Variants in TEK observed in about 807,000 individuals in gnomAD.
TEK encodes TEK receptor tyrosine kinase.
Under a neutral mutation model 131.8 loss-of-function variants are expected in TEK, and 43 were observed. The ratio of observed to expected loss-of-function variants is 0.33; its 90% CI spans 0.26 to 0.42. TEK has a LOEUF of 0.42. Among genes scored for constraint, TEK ranks in the 10% least tolerant of loss-of-function variants. TEK has a pLI of 1.00. For missense variants in TEK, 1,162 were observed against 1,384.4 expected, an observed-to-expected ratio of 0.84 and a Z score of 2.55; for synonymous variants, 580 against 491.6, an observed-to-expected ratio of 1.18 and a Z score of -2.38.
chr9:27,205,595 C>T (rs548235595), intron 14 of TEK, among the ~76,000 whole-genome samples: 1 of 152,162 alleles, frequency 6.6e-6, no homozygotes, highest in South Asian at 2.1e-4. Flanking sequence ...TACCCTCAGT[C>T]TGAAGTCAGA....
intron 1 of TEK, among the ~76,000 whole-genome samples, chr9:27,138,813 G>A (rs1822604595): frequency 6.6e-6 from 1 of 152,146 alleles, no homozygotes; most frequent in Admixed American, 6.5e-5. Context: ...CAGGAATTGA[G>A]TATGTGTGAA....
chr9:27,185,596 A>T lies in TEK; in HGVS notation c.1294A>T (p.Met432Leu), dbSNP rs75365911. 75 of 1,613,592 alleles carry T rather than the reference A, an allele frequency of 4.6e-5. No homozygotes were observed. In the Middle Eastern group the frequency reaches 5.0e-4, roughly 11 times the overall value. The change falls in exon 9 of 23, where the codon ATG becomes TTG. Residue 432 changes from methionine (M) to leucine (L), a missense_variant. This residue lies in a region of TEK where 436 missense variants were observed against 539.1 expected (regional missense o/e 0.81). Coordinates refer to ENST00000380036, the MANE Select transcript of TEK (RefSeq NM_000459.5). ...CTGCAGTGTGAACACAGTGGCTGGG[A>T]TGGTGGAAAAGCCCTTCAACATTTC... ...WVCSVNTVAG[M>L]VEKPFNISVK...
At chr9:27,161,994 T>C (rs1048304295) in intron 2 of TEK, among the ~76,000 whole-genome samples, 1 of 152,222 alleles carries the variant, frequency 6.6e-6, no homozygotes, top group Non-Finnish European at 1.5e-5. Context: ...ATTCACATAT[T>C]ATGGAGTTTT....
At chr9:27,110,872 C>A (rs1413893566) in intron 1 of TEK, among the ~76,000 whole-genome samples, 1 of 151,850 alleles carries the variant, frequency 6.6e-6, no homozygotes, top group Non-Finnish European at 1.5e-5. Flanking sequence ...ATGTTGACTT[C>A]TCCAATAATA....
At chr9:27,220,603 C>A (rs570747946) in intron 21 of TEK, among the ~76,000 whole-genome samples, 1 of 152,308 alleles carries the variant, frequency 6.6e-6, no homozygotes, top group East Asian at 1.9e-4. Flanking sequence ...AACTGAGGTA[C>A]CCGGCTCATC....
chr9:27,168,827 T>C (rs1434303131), intron 3 of TEK, among the ~76,000 whole-genome samples: 1 of 152,246 alleles, frequency 6.6e-6, no homozygotes, highest in Non-Finnish European at 1.5e-5. Context: ...ATGTACATGG[T>C]GTATGTACAT....
At chr9:27,223,203 A>G (rs769065322) in intron 21 of TEK, among the ~76,000 whole-genome samples, 24 of 152,180 alleles carry the variant, frequency 1.6e-4, no homozygotes, top group Non-Finnish European at 2.8e-4. Context: ...CACTATCAAT[A>G]TTAGACGGAT....
intron 10 of TEK, 58 bp from the exon 11 acceptor site, chr9:27,192,431 G>A (rs1231316420): frequency 1.1e-5 from 18 of 1,606,876 alleles, no homozygotes; most frequent in African/African-American, 9.4e-5. Context: ...CAACAACCCC[G>A]GCTTAAGGAA....
chr9:27,209,374 C>T, intron 16 of TEK, 143 bp downstream of exon 16: 1 of 717,664 alleles, frequency 1.4e-6, no homozygotes, highest in Non-Finnish European at 2.5e-6. Context: ...TCTGTCTAGT[C>T]CCATTTATAG....
intron 6 of TEK, among the ~76,000 whole-genome samples, chr9:27,178,369 A>C (rs1409787766): frequency 1.3e-5 from 2 of 151,960 alleles, no homozygotes; most frequent in Non-Finnish European, 2.9e-5. Context: ...ATAGCTTTGT[A>C]ATATATTTTG....
chr9:27,145,618 A>C (rs1012593463), intron 1 of TEK, among the ~76,000 whole-genome samples: 3 of 152,126 alleles, frequency 2.0e-5, no homozygotes, highest in African/African-American at 7.2e-5. Context: ...GTTCTTAATG[A>C]CTCCACTGTC....
intron 9 of TEK, 38 bp downstream of exon 9, chr9:27,185,667 A>C: frequency 6.2e-7 from 1 of 1,612,570 alleles, no homozygotes. Context: ...TGTGTCCTTG[A>C]TGCATTATGT....
At position 27,229,327 on chromosome 9, in the gene TEK, A is replaced by G; in HGVS notation, c.*95A>G. On this transcript the variant is annotated 3_prime_UTR_variant, in exon 23 of 23. Coordinates refer to ENST00000380036, the MANE Select transcript of TEK (RefSeq NM_000459.5). ...ACATGCCTCTGCCAAAGGATGTGAT[A>G]TATAAGTGTACATATGTGCTGTACA... The G allele has an allele frequency of 8.3e-7, 1 of 1,209,118 alleles. No homozygotes were observed. The highest frequency in any genetic ancestry group is 1.2e-6 in the Non-Finnish European group (1 of 814,670). 74.9% of individuals were successfully genotyped at this position (1,209,118 alleles called of 1,614,324 possible).
intron 1 of TEK, among the ~76,000 whole-genome samples, chr9:27,113,327 C>T (rs1191626066): frequency 6.6e-6 from 1 of 152,148 alleles, no homozygotes; most frequent in African/African-American, 2.4e-5. Context: ...TGCTGTGGCT[C>T]ACACCTGTAA....
chr9:27,150,354 C>A (rs1020409908), intron 1 of TEK, among the ~76,000 whole-genome samples: 3 of 152,196 alleles, frequency 2.0e-5, no homozygotes, highest in Non-Finnish European at 4.4e-5. Flanking sequence ...TGCCTGTAAT[C>A]CCAGCATTTT....
intron 1 of TEK, among the ~76,000 whole-genome samples, chr9:27,135,197 C>G (rs1168803097): frequency 6.7e-6 from 1 of 149,218 alleles, no homozygotes; most frequent in African/African-American, 2.5e-5. Context: ...GCACTCCAGC[C>G]TTGGTGACAG....
intron 2 of TEK, among the ~76,000 whole-genome samples, chr9:27,164,706 A>G (rs1466418370): frequency 6.6e-6 from 1 of 151,678 alleles, no homozygotes; most frequent in African/African-American, 2.4e-5. Context: ...ATTTTTAAAT[A>G]TTTTTTTTGT....
At chr9:27,175,327 T>A (rs1410034204) in intron 6 of TEK, among the ~76,000 whole-genome samples, 1 of 150,938 alleles carries the variant, frequency 6.6e-6, no homozygotes, top group Non-Finnish European at 1.5e-5. Flanking sequence ...TCATCATTTT[T>A]TATGGCTGCA....
chr9:27,124,891 G>A (rs1273457461), intron 1 of TEK, among the ~76,000 whole-genome samples: 1 of 152,192 alleles, frequency 6.6e-6, no homozygotes. Context: ...AGTGGCTATA[G>A]GAGGGTTAGG....
Sources: gnomAD v4.1 joint callset for allele counts (sites outside exome capture counted in the v4.1 genomes callset) on GRCh38, gnomAD v4.1.1 for gene constraint, gnomAD v4.1.1 regional missense constraint, MANE v1.5 for transcripts, NCBI Gene and HGNC (gene_info 2026-07-23, HGNC 2026-07-21) for gene names.